Variants in PTGER3 observed in about 807,000 individuals in gnomAD.
The protein encoded by PTGER3 is prostaglandin E2 receptor EP3 subtype.
PTGER3 carries 22 observed loss-of-function variants against 34.7 expected under a neutral mutation model. That is an observed-to-expected ratio of 0.63 (90% CI 0.45 to 0.91). The LOEUF (loss-of-function observed/expected upper bound fraction) is 0.91. PTGER3 is among the 40% of genes least tolerant of loss of function. PTGER3 has a pLI of 0.00. For synonymous variants in PTGER3, 241 were observed against 230.1 expected (o/e 1.05, Z -0.43); for missense variants, 468 against 519.4 (o/e 0.90, Z 0.96).
intron 2 of PTGER3, among the ~76,000 whole-genome samples, chr1:70,997,509 G>T (rs957921615): frequency 6.6e-6 from 1 of 152,050 alleles, no homozygotes. Flanking sequence ...TTTCATATTC[G>T]ATGAAGTCAA....
At chr1:70,923,038 T>C (rs1647701283) in intron 4 of PTGER3, among the ~76,000 whole-genome samples, 1 of 152,176 alleles carries the variant, frequency 6.6e-6, no homozygotes, top group African/African-American at 2.4e-5. Context: ...TTTATTAAAA[T>C]CTTACCTATG....
intron 4 of PTGER3, among the ~76,000 whole-genome samples, chr1:70,916,749 G>A (rs371121604): frequency 6.6e-6 from 1 of 151,900 alleles, no homozygotes; most frequent in Non-Finnish European, 1.5e-5. Context: ...GAGAATGTGG[G>A]TTGGAAAACT....
At chr1:71,005,566 T>A (rs192429742) in intron 2 of PTGER3, among the ~76,000 whole-genome samples, 231 of 152,350 alleles carry the variant, frequency 1.5e-3, no homozygotes, top group Admixed American at 6.7e-3. Context: ...AGCTTGCTGT[T>A]TTTATTAATT....
intron 4 of PTGER3, among the ~76,000 whole-genome samples, chr1:70,854,192 G>A (rs61777096): frequency 0.12 from 18,728 of 151,992 alleles, 1,619 homozygotes; most frequent in Non-Finnish European, 0.18. Context: ...ATTAACCTAC[G>A]AGATGGGAGA....
chr1:70,855,925 G>A (rs908274943), intron 4 of PTGER3, among the ~76,000 whole-genome samples: 3 of 152,156 alleles, frequency 2.0e-5, no homozygotes, highest in Non-Finnish European at 4.4e-5. Context: ...TCTGAGAGGA[G>A]CGATATGGGC....
intron 4 of PTGER3, among the ~76,000 whole-genome samples, chr1:70,859,736 ACT>A (rs1281145174): frequency 1.3e-5 from 2 of 152,158 alleles, no homozygotes; most frequent in African/African-American, 4.8e-5. Flanking sequence ...GCTAGCTATG[ACT>A]CTATTTAAAA....
intron 2 of PTGER3, chr1:71,011,386 G>A (rs996470712): frequency 1.0e-6 from 1 of 985,038 alleles, no homozygotes; most frequent in African/African-American, 1.7e-5. Flanking sequence ...AACACTTTTG[G>A]TGAATAATCA....
downstream of PTGER3, among the ~76,000 whole-genome samples, chr1:70,949,168 T>C (rs1427069934): frequency 6.6e-6 from 1 of 152,062 alleles, no homozygotes; most frequent in Middle Eastern, 3.4e-3. Context: ...TTGTTTCTTA[T>C]AAAACAATAG....
chr1:70,864,734 T>C (rs1157451032), intron 4 of PTGER3, among the ~76,000 whole-genome samples: 1 of 152,202 alleles, frequency 6.6e-6, no homozygotes, highest in Admixed American at 6.5e-5. Context: ...GCACTTTATA[T>C]ACATTAACTG....
intron 4 of PTGER3, among the ~76,000 whole-genome samples, chr1:70,923,158 C>T (rs1647712493): frequency 6.6e-6 from 1 of 150,640 alleles, no homozygotes; most frequent in African/African-American, 2.4e-5. Flanking sequence ...ATTTGGCTTA[C>T]TTGGTATAAA....
At chr1:70,988,508 A>G (rs924288039) in intron 2 of PTGER3, among the ~76,000 whole-genome samples, 14 of 152,186 alleles carry the variant, frequency 9.2e-5, no homozygotes, top group Admixed American at 3.9e-4. Flanking sequence ...TCCTTAAAGG[A>G]AAGAGGCACA....
intron 2 of PTGER3, among the ~76,000 whole-genome samples, chr1:70,962,383 T>C (rs1652021969): frequency 6.6e-6 from 1 of 150,810 alleles, no homozygotes; most frequent in Non-Finnish European, 1.5e-5. Context: ...ATTCTAAATG[T>C]AAAATTAGCT....
At chr1:71,010,536 TC>T (rs1657349040) in intron 2 of PTGER3, 10 of 984,522 alleles carry the variant, frequency 1.0e-5, no homozygotes, top group Non-Finnish European at 1.2e-5. Flanking sequence ...TCTGTGTCTA[TC>T]TGACTAGAAC....
chr1:71,029,070 T>A (rs921354525), intron 1 of PTGER3, among the ~76,000 whole-genome samples: 3 of 152,216 alleles, frequency 2.0e-5, no homozygotes, highest in Non-Finnish European at 4.4e-5. Context: ...GGAACTGATG[T>A]CACCTACATT....
At chr1:70,899,846 G>A (rs1208315184) in intron 4 of PTGER3, among the ~76,000 whole-genome samples, 1 of 152,016 alleles carries the variant, frequency 6.6e-6, no homozygotes, top group Non-Finnish European at 1.5e-5. Context: ...ATAGATAAAA[G>A]TTCACACCAA....
At chr1:70,932,155 A>T (rs1434545177) in intron 4 of PTGER3, among the ~76,000 whole-genome samples, 1 of 152,170 alleles carries the variant, frequency 6.6e-6, no homozygotes, top group East Asian at 1.9e-4. Flanking sequence ...CTAAAACATA[A>T]CAAGGATCAC....
In PTGER3 at chr1:71,044,481, T is replaced by G. The variant is rs527677615; in HGVS notation, c.897+2200A>C. Among the ~76,000 whole-genome samples, 547 of 151,998 alleles carry G rather than the reference T, an allele frequency of 3.6e-3. 5 individuals are homozygous for G. The highest frequency in any genetic ancestry group is 0.013 in the African/African-American group (520 of 41,476). ...CTCCTTTTTGATATGATCACATGTT[T>G]AATTTATTTTGTTTAATGTTTTTAT... On this transcript the variant is annotated intron_variant, in intron 1 of 3. Transcript: ENST00000306666.
At chr1:70,852,732 G>C (rs1043333865) in exon 5 of PTGER3, 1 of 1,365,900 alleles carries the variant, frequency 7.3e-7, no homozygotes, top group East Asian at 2.3e-5. Flanking sequence ...GGGGGAAGAA[G>C]TAAAAGAGAA....
intron 4 of PTGER3, among the ~76,000 whole-genome samples, chr1:70,925,864 G>A (rs1572665367): frequency 6.6e-6 from 1 of 151,880 alleles, no homozygotes; most frequent in African/African-American, 2.4e-5. Context: ...TTTCATTATT[G>A]AACTTTATAA....
Sources: allele counts gnomAD v4.1 joint callset (sites outside exome capture counted in the v4.1 genomes callset), GRCh38; gene constraint gnomAD v4.1.1; transcripts MANE v1.5; gene names NCBI Gene and HGNC (gene_info 2026-07-23, HGNC 2026-07-21).